The following DNAH11 variants were observed in gnomAD, a reference collection of about 807,000 sequenced individuals.
The protein encoded by DNAH11 is dynein axonemal heavy chain 11.
In DNAH11, 442 loss-of-function variants were observed where a neutral mutation model predicts 526.0. The observed-to-expected ratio is 0.84, with a 90% CI of 0.78 to 0.91. The LOEUF is 0.91. Ranked by LOEUF, DNAH11 falls within the 40% of genes least tolerant of loss-of-function variation. DNAH11 has a pLI of 0.00. For synonymous variants in DNAH11, 2,461 were observed against 1,935.9 expected, an observed-to-expected ratio of 1.27 and a Z score of -7.12; for missense variants, 6,989 against 5,448.7, an observed-to-expected ratio of 1.28 and a Z score of -8.90.
rs772577192 is a variant in DNAH11 at position 21,671,580 on chromosome 7, A to G, written c.5329-9966A>G. ...AATTGGGTTTTCTAGGTGTTTATCA[A>G]TTTTATTTCTGTTTTCAAAGAACTA... On this transcript the variant is annotated intron_variant, in intron 30 of 81. Coordinates refer to ENST00000409508, the MANE Select transcript of DNAH11 (RefSeq NM_001277115.2). Among the ~76,000 whole-genome samples the G allele has an allele frequency of 1.3e-4, 19 of 151,506 alleles. No homozygotes were observed. In the East Asian group the frequency reaches 3.5e-3, roughly 28 times the overall value.
At chr7:21,794,564 G>A (rs946297878) in intron 61 of DNAH11, among the ~76,000 whole-genome samples, 5 of 152,142 alleles carry the variant, frequency 3.3e-5, no homozygotes, top group African/African-American at 9.7e-5. Context: ...AAGATACTCT[G>A]GCTTTGTGTG....
chr7:21,658,711 C>T (rs1782120526), intron 29 of DNAH11, 87 bp from the exon 30 acceptor site: 1 of 1,134,266 alleles, frequency 8.8e-7, no homozygotes, highest in Middle Eastern at 2.1e-4. Flanking sequence ...GGGCATTACC[C>T]TCTGCGTGGC....
At chr7:21,619,763 C>A (rs1048415352) in intron 24 of DNAH11, among the ~76,000 whole-genome samples, 193 bp from the exon 25 acceptor site, 1 of 152,112 alleles carries the variant, frequency 6.6e-6, no homozygotes, top group African/African-American at 2.4e-5. Context: ...GTGTGATGCT[C>A]ATACCTTTGA....
In DNAH11 at chr7:21,543,298, C is replaced by G; in HGVS notation, c.53C>G (p.Thr18Ser). 6.5e-7 allele frequency: 1 copy of G among 1,548,822 alleles called. No individual in the cohort carries two copies. Among genetic ancestry groups the G allele is most frequent in the Non-Finnish European group, 8.7e-7 (1 of 1,146,128 alleles). ...REARDFREAP[T>S]LRLTSGAGLE... Reference sequence around the variant, plus strand: ...GCGCGAGACTTCAGAGAAGCCCCGACCCTTCGCCTAACCTCGGGGGCCGGC... The same window carrying G: ...GCGCGAGACTTCAGAGAAGCCCCGAGCCTTCGCCTAACCTCGGGGGCCGGC... The change falls in exon 1 of 82, where the codon ACC (threonine) becomes AGC (serine). Residue 18 changes from threonine to serine, a missense_variant. Coordinates refer to ENST00000409508, the MANE Select transcript of DNAH11 (RefSeq NM_001277115.2).
At chr7:21,858,635 T>G (rs1302708334) in intron 68 of DNAH11, among the ~76,000 whole-genome samples, 2 of 152,178 alleles carry the variant, frequency 1.3e-5, no homozygotes, top group South Asian at 2.1e-4. Context: ...TACCATATGA[T>G]GCTATTTATG....
intron 61 of DNAH11, among the ~76,000 whole-genome samples, chr7:21,791,549 G>A (rs1424810124): frequency 6.6e-6 from 1 of 152,182 alleles, no homozygotes; most frequent in Non-Finnish European, 1.5e-5. Flanking sequence ...AAGACCCTCT[G>A]GAGCATCTTG....
intron 45 of DNAH11, among the ~76,000 whole-genome samples, chr7:21,726,608 T>C (rs1231359944): frequency 1.3e-5 from 2 of 151,784 alleles, no homozygotes; most frequent in Non-Finnish European, 2.9e-5. Flanking sequence ...ATACCTGTAA[T>C]CCCAGCACTT....
chr7:21,765,767 A>C (rs892918398), intron 55 of DNAH11, among the ~76,000 whole-genome samples, 178 bp downstream of exon 55: 1 of 152,178 alleles, frequency 6.6e-6, no homozygotes, highest in African/African-American at 2.4e-5. Flanking sequence ...CATTCTAAGG[A>C]ATATGATGGC....
chr7:21,561,195 G>A (rs1208396918), intron 5 of DNAH11, 25 bp downstream of exon 5: 4 of 1,506,346 alleles, frequency 2.7e-6, no homozygotes, highest in Non-Finnish European at 2.7e-6. Flanking sequence ...CCTCAGCCTG[G>A]CATCAATATC....
At chr7:21,597,069 G>C (rs901628247) in intron 14 of DNAH11, among the ~76,000 whole-genome samples, 10 of 152,200 alleles carry the variant, frequency 6.6e-5, no homozygotes, top group African/African-American at 2.4e-4. Flanking sequence ...TGGCATGTCA[G>C]CGAGTGGTCT....
In DNAH11 at chr7:21,779,005, A is replaced by G. The variant is rs766025540; in HGVS notation, c.9384A>G (p.Gln3128=). The part of the protein sequence containing the change: ...ARLASQEAEL[Q]LRNHDAEALI... Reference sequence around the variant, plus strand: ...TTGCCTCTCAAGAAGCCGAGCTGCAACTGAGAAATCATGATGCCGAAGCTC... The same window carrying G: ...TTGCCTCTCAAGAAGCCGAGCTGCAGCTGAGAAATCATGATGCCGAAGCTC... Residue 3128 remains glutamine, a synonymous_variant, in exon 57 of 82, where the codon CAA becomes CAG. Coordinates refer to ENST00000409508, the MANE Select transcript of DNAH11 (RefSeq NM_001277115.2). The G allele has an allele frequency of 2.5e-6, 4 of 1,613,324 alleles. No homozygotes were observed. The highest frequency in any genetic ancestry group is 1.3e-5 in the African/African-American group (1 of 74,896).
At chr7:21,851,338 TC>T (rs907764973) in intron 66 of DNAH11, 12 of 270,476 alleles carry the variant, frequency 4.4e-5, no homozygotes, top group Non-Finnish European at 8.9e-5. Flanking sequence ...TCCTGATGCC[TC>T]CCCAGCTATA....
intron 28 of DNAH11, among the ~76,000 whole-genome samples, chr7:21,641,995 G>C (rs553432984): frequency 3.9e-5 from 6 of 152,242 alleles, no homozygotes; most frequent in Admixed American, 6.5e-5. Flanking sequence ...ATGCCACCAC[G>C]CTAACAAAGG....
intron 54 of DNAH11, among the ~76,000 whole-genome samples, chr7:21,760,940 A>G (rs750207867): frequency 1.3e-5 from 2 of 152,146 alleles, no homozygotes; most frequent in Non-Finnish European, 2.9e-5. Flanking sequence ...TTTTAAAATG[A>G]TTTATTTTGT....
intron 14 of DNAH11, 23 bp from the exon 15 acceptor site, chr7:21,599,764 C>T: frequency 6.8e-7 from 1 of 1,463,554 alleles, no homozygotes; most frequent in Non-Finnish European, 9.2e-7. Flanking sequence ...TATATTCATC[C>T]ACTAATACTT....
intron 68 of DNAH11, among the ~76,000 whole-genome samples, chr7:21,855,178 T>C (rs925347124): frequency 6.6e-6 from 1 of 151,946 alleles, no homozygotes; most frequent in Non-Finnish European, 1.5e-5. Context: ...ACTACAGGTG[T>C]CCGCCACCAC....
chr7:21,705,360 GGCTTGGGT>G (rs1348298219), intron 38 of DNAH11, 92 bp from the exon 39 acceptor site: 1 of 1,147,998 alleles, frequency 8.7e-7, no homozygotes, highest in African/African-American at 1.5e-5. Flanking sequence ...AGTGGGGGCT[GGCTTGGGT>G]GTAAGGAAAG....
chr7:21,641,659 G>T (rs925218235), intron 28 of DNAH11, among the ~76,000 whole-genome samples: 1 of 152,162 alleles, frequency 6.6e-6, no homozygotes, highest in Non-Finnish European at 1.5e-5. Context: ...CATCTCTGAT[G>T]CCAGTTGATT....
intron 2 of DNAH11, among the ~76,000 whole-genome samples, chr7:21,546,186 T>C (rs1035883350): frequency 6.6e-6 from 1 of 151,366 alleles, no homozygotes; most frequent in Non-Finnish European, 1.5e-5. Flanking sequence ...TGATCACACC[T>C]CTTCTACTTT....
Sources: allele counts gnomAD v4.1 joint callset (sites outside exome capture counted in the v4.1 genomes callset), GRCh38; gene constraint gnomAD v4.1.1; transcripts MANE v1.5; gene names NCBI Gene and HGNC (gene_info 2026-07-23, HGNC 2026-07-21).